SGK2: variants seen among roughly 807,000 people sequenced by gnomAD.
SGK2 encodes serine/threonine-protein kinase Sgk2.
Under a neutral mutation model 47.5 loss-of-function variants are expected in SGK2, and 36 were observed. That is an observed-to-expected ratio of 0.76 (90% CI 0.58 to 1.00). The LOEUF (loss-of-function observed/expected upper bound fraction) is 1.00, where lower values mean the gene tolerates loss of function less well. Among genes scored for constraint, SGK2 ranks in the 50% least tolerant of loss-of-function variants. The pLI is 0.00. For missense variants in SGK2, 404 were observed against 467.4 expected, an observed-to-expected ratio of 0.86 and a Z score of 1.25; for synonymous variants, 157 against 181.9, an observed-to-expected ratio of 0.86 and a Z score of 1.10.
chr20:43,566,584 G>A, intron 2 of SGK2, 53 bp downstream of exon 2: 1 of 1,311,798 alleles, frequency 7.6e-7, no homozygotes, highest in African/African-American at 1.5e-5. Flanking sequence ...TCTTCCCGAG[G>A]CTAAGGAAAT....
chr20:43,568,985 A>T (rs1041816302), intron 5 of SGK2, among the ~76,000 whole-genome samples: 18 of 152,112 alleles, frequency 1.2e-4, no homozygotes, highest in Non-Finnish European at 2.6e-4. Flanking sequence ...TGGGATTCTG[A>T]TGGTCTGAAA....
chr20:43,584,273 G>A (rs1477210047), intron 12 of SGK2, among the ~76,000 whole-genome samples: 2 of 152,068 alleles, frequency 1.3e-5, no homozygotes, highest in East Asian at 3.9e-4. Context: ...GTCATATTTG[G>A]TAATGTCCCA....
intron 10 of SGK2, 124 bp from the exon 11 acceptor site, chr20:43,576,100 C>T (rs779815767): frequency 5.8e-5 from 63 of 1,085,094 alleles, no homozygotes; most frequent in Middle Eastern, 2.1e-4. Flanking sequence ...GTCTGCCATG[C>T]GAGCCATTGC....
At chr20:43,568,574 C>A (rs1270827309) in intron 5 of SGK2, among the ~76,000 whole-genome samples, 2 of 152,290 alleles carry the variant, frequency 1.3e-5, no homozygotes, top group East Asian at 3.9e-4. Flanking sequence ...CCTCCGCCTC[C>A]TGAGTTCAAG....
intron 7 of SGK2, 40 bp from the exon 8 acceptor site, chr20:43,570,984 G>GC (rs1263599991): frequency 5.6e-6 from 9 of 1,611,976 alleles, no homozygotes; most frequent in African/African-American, 1.3e-5. Context: ...TCACTAAATG[G>GC]CTGAGACACC....
intron 3 of SGK2, among the ~76,000 whole-genome samples, 181 bp from the exon 4 acceptor site, chr20:43,567,484 A>T (rs1359439992): frequency 1.3e-5 from 2 of 152,028 alleles, no homozygotes; most frequent in Non-Finnish European, 2.9e-5. Context: ...GCCAGGGTGA[A>T]TCTTACAAGC....
chr20:43,585,025 G>A lies in SGK2; in HGVS notation c.*9G>A, dbSNP rs202202360. ...ACATCTTGGATTGCTAGAAGAGAAG[G>A]ACCTGTGAAACTACTGAGGCCAGCT... On this transcript the variant is annotated 3_prime_UTR_variant, in exon 13 of 13. Transcript: ENST00000373100. The A allele has an allele frequency of 9.9e-6, 16 of 1,610,696 alleles. No individual in the cohort carries two copies. The highest frequency in any genetic ancestry group is 1.1e-5 in the Non-Finnish European group (13 of 1,177,624).
At chr20:43,566,294 G>A in intron 1 of SGK2, 179 bp from the exon 2 acceptor site, 6 of 1,574,710 alleles carry the variant, frequency 3.8e-6, no homozygotes, top group Non-Finnish European at 5.2e-6. Flanking sequence ...GGGTCCAGGG[G>A]ATATCATTTC....
intron 11 of SGK2, among the ~76,000 whole-genome samples, chr20:43,578,702 C>CAATA (rs1255206446): frequency 6.6e-6 from 1 of 152,176 alleles, no homozygotes; most frequent in African/African-American, 2.4e-5. Context: ...GTCTGGCACA[C>CAATA]AATAAGTGCT....
At chr20:43,568,875 G>T (rs1025640306) in intron 5 of SGK2, among the ~76,000 whole-genome samples, 2 of 152,180 alleles carry the variant, frequency 1.3e-5, no homozygotes, top group African/African-American at 4.8e-5. Flanking sequence ...AGGAGGTTGG[G>T]GGACTCAGAG....
At chr20:43,574,411 A>G (rs1033419020) in intron 9 of SGK2, among the ~76,000 whole-genome samples, 1 of 151,982 alleles carries the variant, frequency 6.6e-6, no homozygotes, top group Non-Finnish European at 1.5e-5. Context: ...TTTTACTTAC[A>G]CTCACATTAG....
chr20:43,582,512 C>T (rs1263144349), intron 12 of SGK2, among the ~76,000 whole-genome samples: 9 of 151,584 alleles, frequency 5.9e-5, no homozygotes, highest in Admixed American at 3.3e-4. Context: ...CTCAGCCTCC[C>T]GAGTGGCTGG....
chr20:43,582,287 G>C (rs577893757), intron 12 of SGK2, among the ~76,000 whole-genome samples: 1 of 151,750 alleles, frequency 6.6e-6, no homozygotes, highest in Non-Finnish European at 1.5e-5. Flanking sequence ...TGAACTCCTG[G>C]GCTCAAGTGA....
In SGK2 at chr20:43,585,287, T is replaced by A. The variant is rs2145564723; in HGVS notation, c.*271T>A. The A allele has an allele frequency of 4.3e-6, 1 of 230,812 alleles. No homozygotes were observed. 14.3% of individuals were successfully genotyped at this position (230,812 alleles called of 1,614,324 possible). A position where few individuals can be genotyped will look rare whatever the true frequency, so the allele number is the denominator to read the frequency against. ...GATGGTTACTGGAGCTCTAGCTGCC[T>A]ATTTTGTGTTTAGGGAAGGGAAAAT... On this transcript the variant is annotated 3_prime_UTR_variant, in exon 13 of 13. Transcript: ENST00000373100.
At chr20:43,581,527 T>TTTTAGA (rs1568678523) in intron 12 of SGK2, among the ~76,000 whole-genome samples, 4 of 152,044 alleles carry the variant, frequency 2.6e-5, no homozygotes. Context: ...TGCTAATGTT[T>TTTTAGA]TTTAGATTCT....
At chr20:43,584,401 C>T (rs1363232892) in intron 12 of SGK2, among the ~76,000 whole-genome samples, 1 of 152,144 alleles carries the variant, frequency 6.6e-6, no homozygotes, top group Non-Finnish European at 1.5e-5. Flanking sequence ...ACAGGTCTTC[C>T]TCCAAAATAG....
At chr20:43,579,925 G>A in intron 11 of SGK2, 47 bp from the exon 12 acceptor site, 1 of 1,285,916 alleles carries the variant, frequency 7.8e-7, no homozygotes, top group Non-Finnish European at 1.1e-6. Context: ...GAGCACCCAT[G>A]GGGAGGGCTA....
intron 9 of SGK2, 118 bp from the exon 10 acceptor site, chr20:43,574,789 CCA>C: frequency 3.1e-6 from 2 of 651,750 alleles, no homozygotes; most frequent in Non-Finnish European, 5.5e-6. Flanking sequence ...ACACACACAG[CCA>C]CAGAGCACAC....
chr20:43,579,465 T>C lies in SGK2; in HGVS notation c.850-507T>C, dbSNP rs372626361. 1.2e-4 allele frequency among the ~76,000 whole-genome samples: 18 copies of C among 152,288 alleles called. 1 individual carries two copies. The highest frequency in any genetic ancestry group is 3.6e-4 in the African/African-American group (15 of 41,566). ...TGTTGATTTTGATTAGGAAAGGTGG[T>C]GAATCATGACCAGGGCTGAGTCCTA... On this transcript the variant is annotated intron_variant, in intron 11 of 12. Transcript: ENST00000373100.
Sources: allele counts gnomAD v4.1 joint callset (sites outside exome capture counted in the v4.1 genomes callset), GRCh38; gene constraint gnomAD v4.1.1; transcripts MANE v1.5; gene names NCBI Gene and HGNC (gene_info 2026-07-23, HGNC 2026-07-21).